MROH9: variants seen among roughly 807,000 people sequenced by gnomAD.
MROH9 encodes maestro heat like repeat family member 9, also known as maestro heat-like repeat-containing protein family member 9.
Under a neutral mutation model 98.2 loss-of-function variants are expected in MROH9, and 92 were observed. The observed-to-expected ratio is 0.94, with a 90% CI of 0.79 to 1.11. MROH9 has a LOEUF of 1.11. Ranked by LOEUF, MROH9 falls within the 50% of genes most tolerant of loss-of-function variation. MROH9 has a pLI of 0.00. For synonymous variants in MROH9, 397 were observed against 368.9 expected (o/e 1.08, Z -0.87); for missense variants, 1,057 against 1,014.8 (o/e 1.04, Z -0.57).
intron 17 of MROH9, among the ~76,000 whole-genome samples, chr1:171,017,930 C>T (rs1206247213): frequency 1.3e-5 from 2 of 152,184 alleles, no homozygotes; most frequent in South Asian, 4.1e-4. Context: ...GGGGTGGCCA[C>T]AGTCTCTGCA....
At position 170,965,273 on chromosome 1, in the gene MROH9, A is replaced by G. The variant is rs1650191020; in HGVS notation, c.480+18A>G. Reference sequence around the variant, plus strand: ...GAAAATACGTAAGTCACAGAATATAACAATGCCACCTGATTCTGAAGACTG... The same window carrying G: ...GAAAATACGTAAGTCACAGAATATAGCAATGCCACCTGATTCTGAAGACTG... On this transcript the variant is annotated intron_variant, in intron 7 of 21. Coordinates refer to ENST00000367759, the MANE Select transcript of MROH9 (RefSeq NM_001163629.2). 1.3e-6 allele frequency: 2 copies of G among 1,497,296 alleles called. No individual in the cohort carries two copies. The highest frequency in any genetic ancestry group is 1.9e-6 in the Non-Finnish European group (2 of 1,075,064). The allele number at this position is 1,497,296 out of a possible 1,614,324, so 92.8% of individuals were successfully genotyped here. A position where few individuals can be genotyped will look rare whatever the true frequency, so the allele number is the denominator to read the frequency against.
At chr1:170,989,488 C>T (rs921750661) in intron 10 of MROH9, among the ~76,000 whole-genome samples, 1 of 152,190 alleles carries the variant, frequency 6.6e-6, no homozygotes, top group African/African-American at 2.4e-5. Context: ...TTGAAGTATA[C>T]ACTGTAGCTC....
chr1:171,025,580 G>A (rs1373124644), intron 20 of MROH9, among the ~76,000 whole-genome samples, 160 bp downstream of exon 20: 1 of 152,052 alleles, frequency 6.6e-6, no homozygotes, highest in East Asian at 1.9e-4. Flanking sequence ...TGAGAATAGA[G>A]TTCTATTTTA....
Position 171,064,086 on chromosome 1 carries a change from T to C in MROH9, c.2345-13T>C, listed in dbSNP as rs763223933. 7 of 1,526,806 alleles carry C rather than the reference T, an allele frequency of 4.6e-6. No individual in the cohort carries two copies. In the African/African-American group the frequency reaches 8.4e-5, roughly 18 times the overall value. 94.6% of individuals were successfully genotyped at this position (1,526,806 alleles called of 1,614,324 possible). A position where few individuals can be genotyped will look rare whatever the true frequency, so the allele number is the denominator to read the frequency against. On this transcript the variant is annotated splice_polypyrimidine_tract_variant and intron_variant, in intron 21 of 21. Coordinates refer to ENST00000367759, the MANE Select transcript of MROH9 (RefSeq NM_001163629.2). ...AGAGATAACTTGAACTAAAGTCTCT[T>C]CTGATATTACAGTTATTGAACGACT...
intron 9 of MROH9, 105 bp downstream of exon 9, chr1:170,983,639 T>C (rs930463374): frequency 2.5e-5 from 17 of 682,156 alleles, no homozygotes; most frequent in Middle Eastern, 2.5e-4. Flanking sequence ...TTTTTCGTTT[T>C]TTTTTAAACT....
intron 3 of MROH9, among the ~76,000 whole-genome samples, chr1:170,953,200 A>T (rs1038577696): frequency 6.6e-6 from 1 of 152,088 alleles, no homozygotes; most frequent in African/African-American, 2.4e-5. Flanking sequence ...CTTCATGCAG[A>T]CTTCATACAG....
chr1:170,993,205 T>G (rs1651423867), intron 12 of MROH9, among the ~76,000 whole-genome samples: 1 of 152,194 alleles, frequency 6.6e-6, no homozygotes. Context: ...CTTCTAAAAG[T>G]GAATTTCAAG....
intron 20 of MROH9, among the ~76,000 whole-genome samples, chr1:171,060,725 T>C (rs1300311353): frequency 1.3e-5 from 2 of 152,198 alleles, no homozygotes; most frequent in Non-Finnish European, 1.5e-5. Flanking sequence ...TCATGCTGTA[T>C]AACTCCAGAT....
At position 170,972,506 on chromosome 1, in the gene MROH9, C is replaced by T. The variant is rs903735647; in HGVS notation, c.616+623C>T. ...CTATTTACACTCCTATAGTAAGCAACCTTAAAAATATACATAGTTTTTGGC... is the reference window on the plus strand; with the variant it reads ...CTATTTACACTCCTATAGTAAGCAATCTTAAAAATATACATAGTTTTTGGC... On this transcript the variant is annotated intron_variant, in intron 8 of 21. Coordinates refer to ENST00000367759, the MANE Select transcript of MROH9 (RefSeq NM_001163629.2). Among the ~76,000 whole-genome samples the T allele has an allele frequency of 4.6e-5, 7 of 152,202 alleles. No individual in the cohort carries two copies. In the South Asian group the frequency reaches 1.5e-3, roughly 32 times the overall value.
At chr1:170,972,827 A>ATACAC (rs1491482500) in intron 8 of MROH9, among the ~76,000 whole-genome samples, 2 of 99,434 alleles carry the variant, frequency 2.0e-5, no homozygotes, top group East Asian at 2.8e-4. Flanking sequence ...AAAAAAAAAA[A>ATACAC]ATACACACAC....
At chr1:171,015,518 T>A (rs1344401576) in intron 16 of MROH9, among the ~76,000 whole-genome samples, 2 of 151,908 alleles carry the variant, frequency 1.3e-5, no homozygotes, top group Admixed American at 6.6e-5. Flanking sequence ...ATTCATTTCC[T>A]TTAGTCTTTT....
At chr1:171,023,268 T>C (rs563451754) in intron 17 of MROH9, among the ~76,000 whole-genome samples, 2 of 152,310 alleles carry the variant, frequency 1.3e-5, no homozygotes, top group South Asian at 4.1e-4. Flanking sequence ...TCTTCTGACT[T>C]GCAATTTTTC....
intron 6 of MROH9, among the ~76,000 whole-genome samples, chr1:170,964,549 T>G (rs1650156728): frequency 6.6e-6 from 1 of 152,104 alleles, no homozygotes; most frequent in African/African-American, 2.4e-5. Flanking sequence ...TATTCTTCCC[T>G]TTTCAAGGTT....
intron 17 of MROH9, among the ~76,000 whole-genome samples, chr1:171,017,894 T>C (rs887325664): frequency 6.6e-6 from 1 of 151,726 alleles, no homozygotes; most frequent in Admixed American, 6.6e-5. Context: ...AACTCTGATC[T>C]CCTTAGGCCT....
In MROH9 at chr1:170,976,155, AG is replaced by A. The variant is rs534894229; in HGVS notation, c.616+4274del. Among the ~76,000 whole-genome samples, 61 of 152,092 alleles carry A rather than the reference AG, an allele frequency of 4.0e-4. No individual in the cohort carries two copies. In the Middle Eastern group the frequency reaches 0.017, roughly 42 times the overall value. On this transcript the variant is annotated intron_variant, in intron 8 of 21. Coordinates refer to ENST00000367759, the MANE Select transcript of MROH9 (RefSeq NM_001163629.2). ...GGAGCATTTAGCCCATTTACCTTCA[AG>A]GTTTGTGTTATTTATGGATTTGATC... is the stretch of plus-strand genomic sequence containing the variant.
chr1:170,941,033 T>C (rs751510253), intron 1 of MROH9, among the ~76,000 whole-genome samples: 1 of 152,162 alleles, frequency 6.6e-6, no homozygotes, highest in Non-Finnish European at 1.5e-5. Flanking sequence ...CCAGGATGGA[T>C]TGGGGACACA....
intron 10 of MROH9, 36 bp from the exon 11 acceptor site, chr1:170,989,819 G>A: frequency 6.4e-7 from 1 of 1,570,714 alleles, no homozygotes; most frequent in Non-Finnish European, 8.7e-7. Flanking sequence ...CCATGGAACA[G>A]GAGATTCTTG....
In MROH9 at chr1:170,995,534, G is replaced by A. The variant is rs201269976; in HGVS notation, c.1337+3G>A. ...CCGATACTCAAGGACAGGGCTTTGT[G>A]AGTTAAAACTGGTTATTTCAGATTA... On this transcript the variant is annotated splice_donor_region_variant and intron_variant, in intron 13 of 21. Coordinates refer to ENST00000367759, the MANE Select transcript of MROH9 (RefSeq NM_001163629.2). 6.2e-7 allele frequency: 1 copy of A among 1,612,802 alleles called. No individual in the cohort carries two copies. Among genetic ancestry groups the A allele is most frequent in the East Asian group, 2.2e-5 (1 of 44,838 alleles).
chr1:170,947,385 A>G, intron 2 of MROH9, 142 bp from the exon 3 acceptor site: 3 of 627,458 alleles, frequency 4.8e-6, no homozygotes, highest in Admixed American at 5.9e-5. Flanking sequence ...AAATTTGTCT[A>G]TAGTTTTAGT....
Sources: gnomAD v4.1 joint callset for allele counts (sites outside exome capture counted in the v4.1 genomes callset) on GRCh38, gnomAD v4.1.1 for gene constraint, MANE v1.5 for transcripts, NCBI Gene and HGNC (gene_info 2026-07-23, HGNC 2026-07-21) for gene names.